GC: variants seen among roughly 807,000 people sequenced by gnomAD.
GC encodes the protein GC vitamin D binding protein.
In GC, 43 loss-of-function variants were observed where a neutral mutation model predicts 56.7. The observed-to-expected ratio is 0.76, with a 90% CI of 0.59 to 0.98. GC has a LOEUF of 0.98. Among genes scored for constraint, GC ranks in the 50% least tolerant of loss-of-function variants. The probability of loss-of-function intolerance (pLI) is 0.00; values close to 1 mark genes in which losing one functional copy is unlikely to be tolerated. For synonymous variants in GC, 216 were observed against 202.7 expected (o/e 1.07, Z -0.56); for missense variants, 529 against 545.9 (o/e 0.97, Z 0.31).
chr4:71,755,148 CTATT>C lies in GC; in HGVS notation c.1035-45_1035-42del, dbSNP rs58603194. On this transcript the variant is annotated intron_variant, in intron 8 of 12. Coordinates refer to ENST00000273951, the MANE Select transcript of GC (RefSeq NM_000583.4). ...AAAGGAGATATGTGTTATATATTTC[CTATT>C]TATTTATTTATTTATTTATTTATTT... The C allele has an allele frequency of 6.1e-4, 260 of 429,452 alleles. 3 individuals carry two copies. Among genetic ancestry groups the C allele is most frequent in the African/African-American group, 2.8e-3 (130 of 46,754 alleles). The allele number at this position is 429,452 out of a possible 1,614,324, so 26.6% of individuals were successfully genotyped here.
rs36039552 is a variant in GC at position 71,765,623 on chromosome 4, C to T, written c.282G>A (p.Lys94=). 7,807 of 1,612,538 alleles carry T rather than the reference C, an allele frequency of 4.8e-3. 342 individuals are homozygous for T. In the African/African-American group the frequency reaches 0.091, roughly 19 times the overall value. Residue 94 remains lysine, a synonymous_variant, in exon 4 of 13, where the codon AAG becomes AAA. Coordinates refer to ENST00000273951, the MANE Select transcript of GC (RefSeq NM_000583.4). ...YDTRTSALSA[K]SCESNSPFPV... ...GGAATGGAGAATTACTTTCACAGGACTTGGCAGACAGTGCTGAGGTCTGGA... is the reference window on the plus strand; with the variant it reads ...GGAATGGAGAATTACTTTCACAGGATTTGGCAGACAGTGCTGAGGTCTGGA...
At chr4:71,775,960 C>T (rs902619657) in intron 1 of GC, among the ~76,000 whole-genome samples, 5 of 151,946 alleles carry the variant, frequency 3.3e-5, no homozygotes, top group African/African-American at 1.2e-4. Flanking sequence ...GAGATATCAC[C>T]TCACACCTGT....
At chr4:71,778,644 C>G (rs796065881) in intron 1 of GC, among the ~76,000 whole-genome samples, 4 of 151,890 alleles carry the variant, frequency 2.6e-5, no homozygotes, top group African/African-American at 9.6e-5. Flanking sequence ...TGAAATGAGA[C>G]TTTAAAGACA....
At chr4:71,787,438 CT>C (rs1742866750), upstream of GC, among the ~76,000 whole-genome samples, 1 of 151,858 alleles carries the variant, frequency 6.6e-6, no homozygotes, top group Non-Finnish European at 1.5e-5. Context: ...GTCTGTCAGT[CT>C]TTCATTTATT....
At chr4:71,773,303 C>G (rs556863826) in intron 1 of GC, among the ~76,000 whole-genome samples, 160 of 152,138 alleles carry the variant, frequency 1.1e-3, no homozygotes, top group Admixed American at 1.9e-3. Context: ...CACTTTTTAT[C>G]TATATTGTGA....
chr4:71,800,471 C>A (rs942399310), intron 1 of GC, among the ~76,000 whole-genome samples: 1 of 152,156 alleles, frequency 6.6e-6, no homozygotes, highest in Non-Finnish European at 1.5e-5. Context: ...TTTCTTTATG[C>A]AGTCTGTCAC....
intron 11 of GC, among the ~76,000 whole-genome samples, chr4:71,751,750 G>C (rs1056334206): frequency 3.3e-5 from 5 of 152,064 alleles, no homozygotes; most frequent in African/African-American, 4.8e-5. Context: ...GGGGAGTAGG[G>C]AGGGAAACTG....
upstream of GC, among the ~76,000 whole-genome samples, chr4:71,788,711 GAGAA>G (rs1488376235): frequency 2.7e-4 from 41 of 149,460 alleles, no homozygotes; most frequent in African/African-American, 8.8e-4. Flanking sequence ...AAGAAAGAAT[GAGAA>G]AGAAAGAAAG....
chr4:71,780,222 C>T (rs1358074152), intron 1 of GC, among the ~76,000 whole-genome samples: 1 of 151,986 alleles, frequency 6.6e-6, no homozygotes, highest in African/African-American at 2.4e-5. Context: ...ACACCTTATA[C>T]AAAAATTAAT....
chr4:71,795,919 T>C (rs1743090713), intron 1 of GC, among the ~76,000 whole-genome samples: 1 of 152,230 alleles, frequency 6.6e-6, no homozygotes, highest in African/African-American at 2.4e-5. Context: ...TTTATGAAGC[T>C]TAGTTTGGCT....
chr4:71,777,762 AT>A (rs149168771), intron 1 of GC, among the ~76,000 whole-genome samples: 3,715 of 151,420 alleles, frequency 0.025, 159 homozygotes, highest in African/African-American at 0.086. Flanking sequence ...TTGCTATTGT[AT>A]TTTTTAATAG....
intron 1 of GC, among the ~76,000 whole-genome samples, chr4:71,795,177 C>T (rs1464995512): frequency 6.6e-6 from 1 of 152,128 alleles, no homozygotes; most frequent in Non-Finnish European, 1.5e-5. Context: ...ATCAGGTCTG[C>T]TTGGTGCAAA....
chr4:71,761,044 A>G (rs996503647), intron 6 of GC, among the ~76,000 whole-genome samples: 3 of 152,200 alleles, frequency 2.0e-5, no homozygotes, highest in African/African-American at 7.2e-5. Context: ...TGACTTTGGA[A>G]CTGGGTAACA....
chr4:71,786,468 A>G (rs555106370), upstream of GC, among the ~76,000 whole-genome samples: 36 of 151,980 alleles, frequency 2.4e-4, no homozygotes, highest in African/African-American at 8.2e-4. Flanking sequence ...CTAGAAATGT[A>G]TCACTGAATA....
chr4:71,797,717 C>T (rs1409255065), intron 1 of GC, among the ~76,000 whole-genome samples: 1 of 152,220 alleles, frequency 6.6e-6, no homozygotes, highest in African/African-American at 2.4e-5. Flanking sequence ...CCAGGTACCG[C>T]AGTTGGAAGT....
chr4:71,763,383 T>C (rs1215130472), intron 6 of GC, 25 bp downstream of exon 6: 2 of 1,233,872 alleles, frequency 1.6e-6, no homozygotes, highest in African/African-American at 3.0e-5. Flanking sequence ...AACATCTAAA[T>C]ATGACAATAG....
intron 1 of GC, among the ~76,000 whole-genome samples, chr4:71,770,974 C>A (rs1742323098): frequency 6.6e-6 from 1 of 152,078 alleles, no homozygotes; most frequent in African/African-American, 2.4e-5. Context: ...ATAGGGCGGA[C>A]ACATCAAAGT....
At chr4:71,803,242 C>T (rs16847054) in intron 1 of GC, among the ~76,000 whole-genome samples, 12,268 of 152,130 alleles carry the variant, frequency 0.081, 564 homozygotes, top group East Asian at 0.23. Flanking sequence ...TGATGCCATA[C>T]CTGTACTCTG....
intron 6 of GC, 135 bp downstream of exon 6, chr4:71,763,273 T>A (rs1206789890): frequency 2.3e-6 from 1 of 428,980 alleles, no homozygotes; most frequent in African/African-American, 2.0e-5. Flanking sequence ...TTTGGCCAGA[T>A]TTTTGGAGAT....
Sources: gnomAD v4.1 joint callset for allele counts (sites outside exome capture counted in the v4.1 genomes callset) on GRCh38, gnomAD v4.1.1 for gene constraint, MANE v1.5 for transcripts, NCBI Gene and HGNC (gene_info 2026-07-23, HGNC 2026-07-21) for gene names.